TNNI1: variants seen among roughly 807,000 people sequenced by gnomAD.
TNNI1 encodes troponin I, slow skeletal muscle.
TNNI1 carries 14 observed loss-of-function variants against 26.7 expected under a neutral mutation model. The observed-to-expected ratio is 0.52, with a 90% CI of 0.35 to 0.82. TNNI1 has a LOEUF of 0.82. Among genes scored for constraint, TNNI1 ranks in the 40% least tolerant of loss-of-function variants. The pLI is 0.01. For missense variants in TNNI1, 164 were observed against 257.0 expected, an observed-to-expected ratio of 0.64 and a Z score of 2.47; for synonymous variants, 79 against 98.2, an observed-to-expected ratio of 0.80 and a Z score of 1.16.
Position 201,410,332 on chromosome 1 carries a change from T to C in TNNI1, c.560A>G (p.Gln187Arg). 1 of 1,613,856 alleles carries C rather than the reference T, an allele frequency of 6.2e-7. No homozygotes were observed. Among genetic ancestry groups the C allele is most frequent in the Non-Finnish European group, 8.5e-7 (1 of 1,179,766 alleles). Residue 187 changes from glutamine (Q) to arginine (R), a missense_variant, in exon 8 of 9, where the codon CAA becomes CGA. Around this residue, in one of 3 missense-constraint regions of TNNI1, gnomAD observed 43 missense variants for 74.3 expected, o/e 0.58. Transcript: ENST00000361379. ...MFDAAKSPTS[Q>R] is the part of the protein sequence containing the mutation. The stretch of plus-strand genomic sequence containing the variant: ...GGAGCTGGTCTCTAGGTACCTCTAT[T>C]GTGAGGTCGGAGACTTGGCGGCATC...
At chr1:201,417,706 G>A (rs1030671453) in intron 2 of TNNI1, 77 bp downstream of exon 2, 37 of 1,232,766 alleles carry the variant, frequency 3.0e-5, no homozygotes, top group East Asian at 2.3e-4. Flanking sequence ...AAAACATGGT[G>A]CCTCCACTGC....
At chr1:201,416,344 C>G (rs1309454312) in intron 3 of TNNI1, among the ~76,000 whole-genome samples, 4 of 152,244 alleles carry the variant, frequency 2.6e-5, no homozygotes, top group Non-Finnish European at 4.4e-5. Context: ...TTCCCCACCA[C>G]TTGGTGAGCC....
At chr1:201,415,412 C>T (rs1662716336) in intron 3 of TNNI1, among the ~76,000 whole-genome samples, 158 bp from the exon 4 acceptor site, 2 of 152,240 alleles carry the variant, frequency 1.3e-5, no homozygotes, top group Non-Finnish European at 2.9e-5. Flanking sequence ...TGTTATTTAA[C>T]CTCTGCAGTT....
Position 201,414,757 on chromosome 1 carries a change from G to A in TNNI1, c.58-108C>T, listed in dbSNP as rs1394563458. 5 of 1,514,334 alleles carry A rather than the reference G, an allele frequency of 3.3e-6. No homozygotes were observed. The East Asian group carries it at 1.1e-4, about 35-fold the overall frequency. The allele number at this position is 1,514,334 out of a possible 1,614,324, so 93.8% of individuals were successfully genotyped here. On this transcript the variant is annotated intron_variant, in intron 4 of 8. Transcript: ENST00000361379. ...GGGCCAACTCTGAGACCACTGTCCA[G>A]TGTAGAAGTGTATGCAGCAGCCATG...
chr1:201,416,916 T>A (rs1662750753), intron 3 of TNNI1, among the ~76,000 whole-genome samples, 200 bp downstream of exon 3: 1 of 152,064 alleles, frequency 6.6e-6, no homozygotes, highest in African/African-American at 2.4e-5. Flanking sequence ...CCCTGGACAC[T>A]AGGAAGCCCC....
chr1:201,408,356 A>ACAGGAGAGCC lies in TNNI1; in HGVS notation c.*887_*896dup. ...CGTGGGGAGAGCAGAGGCCGGAGGG[A>ACAGGAGAGCC]CAGGAGAGCCCAGGAGAGAAGGAAG... On this transcript the variant is annotated 3_prime_UTR_variant, in exon 9 of 9. Transcript: ENST00000361379. The ACAGGAGAGCC allele has an allele frequency of 6.5e-6, 1 of 152,984 alleles. No homozygotes were observed. 9.5% of individuals were successfully genotyped at this position (152,984 alleles called of 1,614,324 possible). A position where few individuals can be genotyped will look rare whatever the true frequency, so the allele number is the denominator to read the frequency against.
chr1:201,414,596 G>A lies in TNNI1; in HGVS notation c.111C>T (p.Arg37=), dbSNP rs752668435. ...KECWEQEHEE[R]EAEKVRYLAE... ...CCAGGTAGCGCACCTTCTCAGCCTC[G>A]CGCTCCTCGTGCTCCTGCTCCCAGC... The change falls in exon 5 of 9, where the codon CGC becomes CGT. Residue 37 remains arginine (R), a synonymous_variant. Coordinates refer to ENST00000361379, the MANE Select transcript of TNNI1 (RefSeq NM_003281.4). 6.2e-5 allele frequency: 100 copies of A among 1,613,940 alleles called. 2 individuals carry two copies. The highest frequency in any genetic ancestry group is 3.3e-4 in the Middle Eastern group (2 of 6,058).
chr1:201,411,210 T>G lies in TNNI1; in HGVS notation c.456+147A>C. The G allele has an allele frequency of 1.3e-6, 1 of 784,348 alleles. No individual in the cohort carries two copies. Among genetic ancestry groups the G allele is most frequent in the Non-Finnish European group, 2.0e-6 (1 of 489,872 alleles). The allele number at this position is 784,348 out of a possible 1,614,324, so 48.6% of individuals were successfully genotyped here. A position where few individuals can be genotyped will look rare whatever the true frequency, so the allele number is the denominator to read the frequency against. ...TCTTCTTTCTTTCTTCCCACACTGG[T>G]CTCCCAAAGCATTCTAGAATGTTCT... On this transcript the variant is annotated intron_variant, in intron 7 of 8. Transcript: ENST00000361379. This position sits in a 1 kb window ranked among gnomAD's most constrained non-coding sequence, Gnocchi z 4.6.
intron 3 of TNNI1, 66 bp downstream of exon 3, chr1:201,417,050 C>T: frequency 6.2e-7 from 1 of 1,606,738 alleles, no homozygotes; most frequent in Non-Finnish European, 8.5e-7. Context: ...AGATGCCAAC[C>T]CCACCTTCCC....
rs531896612 is a variant in TNNI1, at chr1:201,407,381, C to T, written c.*1872G>A. 1 of 152,332 alleles carries T rather than the reference C, an allele frequency of 6.6e-6. No homozygotes were observed. Among genetic ancestry groups the T allele is most frequent in the South Asian group, 2.1e-4 (1 of 4,824 alleles). The allele number at this position is 152,332 out of a possible 1,614,324, so 9.4% of individuals were successfully genotyped here. On this transcript the variant is annotated 3_prime_UTR_variant, in exon 9 of 9. Coordinates refer to ENST00000361379, the MANE Select transcript of TNNI1 (RefSeq NM_003281.4). ...TTTTTGCACACATCTGCCTCTCTGCCCACTGACCTATTTATAGCAAGAACC... is the reference window on the plus strand; with the variant it reads ...TTTTTGCACACATCTGCCTCTCTGCTCACTGACCTATTTATAGCAAGAACC...
chr1:201,412,903 A>T, intron 6 of TNNI1, 129 bp downstream of exon 6: 1 of 903,086 alleles, frequency 1.1e-6, no homozygotes, highest in Non-Finnish European at 1.8e-6. Context: ...CAGACAAACC[A>T]AAGTTTCCTG....
intron 1 of TNNI1, among the ~76,000 whole-genome samples, chr1:201,420,324 G>A (rs1281744529): frequency 6.6e-6 from 1 of 152,250 alleles, no homozygotes; most frequent in Non-Finnish European, 1.5e-5. Context: ...GAAGACAAGC[G>A]AGGACTGATA....
In TNNI1 at chr1:201,417,691, G is replaced by T. The variant is rs11799988; in HGVS notation, c.11+92C>A. 3.0e-3 allele frequency: 3,394 copies of T among 1,146,276 alleles called. 88 individuals carry two copies. The African/African-American group carries it at 0.049, about 16-fold the overall frequency. The allele number at this position is 1,146,276 out of a possible 1,614,324, so 71.0% of individuals were successfully genotyped here. A position where few individuals can be genotyped will look rare whatever the true frequency, so the allele number is the denominator to read the frequency against. On this transcript the variant is annotated intron_variant, in intron 2 of 8. Transcript: ENST00000361379. ...TGGTCTCTTAGGGAAAAGCTTTGGG[G>T]GTTGAAAACATGGTGCCTCCACTGC...
chr1:201,420,801 C>T (rs181803044), intron 1 of TNNI1, among the ~76,000 whole-genome samples: 45 of 152,228 alleles, frequency 3.0e-4, no homozygotes, highest in African/African-American at 9.6e-4. Context: ...GAGTTCTGAA[C>T]AGCAAAGCCT....
intron 1 of TNNI1, among the ~76,000 whole-genome samples, chr1:201,419,704 C>T (rs1662821888): frequency 6.6e-6 from 1 of 152,206 alleles, no homozygotes; most frequent in South Asian, 2.1e-4. Flanking sequence ...GCTTTGGCCA[C>T]CTCCCCTGAA....
intron 1 of TNNI1, among the ~76,000 whole-genome samples, chr1:201,418,445 G>A (rs566644832): frequency 3.4e-5 from 5 of 148,926 alleles, no homozygotes; most frequent in African/African-American, 1.2e-4. Context: ...TCCAGCCTGG[G>A]TAACAGAATG....
chr1:201,412,145 A>G (rs1480519240), intron 6 of TNNI1, among the ~76,000 whole-genome samples: 2 of 152,188 alleles, frequency 1.3e-5, no homozygotes, highest in Non-Finnish European at 2.9e-5. Flanking sequence ...GCTCCACCAG[A>G]CTGAGACTTG....
chr1:201,414,724 C>T (rs1662704487), intron 4 of TNNI1, 75 bp from the exon 5 acceptor site: 2 of 1,576,412 alleles, frequency 1.3e-6, no homozygotes, highest in East Asian at 4.5e-5. Flanking sequence ...GGAGGGCAGC[C>T]ACAGCCTGGG....
intron 1 of TNNI1, 121 bp from the exon 2 acceptor site, chr1:201,417,933 A>G: frequency 1.4e-6 from 1 of 697,976 alleles, no homozygotes; most frequent in Non-Finnish European, 2.1e-6. Context: ...AATCAGACAC[A>G]TTGGATTCCA....
Sources: gnomAD v4.1 joint callset for allele counts (sites outside exome capture counted in the v4.1 genomes callset) on GRCh38, gnomAD v4.1.1 for gene constraint, gnomAD v4.1.1 regional missense constraint, Gnocchi (gnomAD v3.1) non-coding constraint, MANE v1.5 for transcripts, NCBI Gene and HGNC (gene_info 2026-07-23, HGNC 2026-07-21) for gene names.